Variants in RMST observed in about 807,000 individuals in gnomAD.
The protein encoded by RMST is rhabdomyosarcoma 2 associated transcript.
At chr12:97,550,671 G>A (rs531177583) in intron 11 of RMST, among the ~76,000 whole-genome samples, 42 of 152,038 alleles carry the variant, frequency 2.8e-4, no homozygotes, top group South Asian at 1.9e-3. Context: ...CTATTTTCTC[G>A]ACTTTATTAT....
intron 10 of RMST, among the ~76,000 whole-genome samples, chr12:97,518,671 G>A (rs1420645701): frequency 2.0e-5 from 3 of 152,096 alleles, no homozygotes; most frequent in African/African-American, 7.2e-5. Context: ...CTCTCAGACT[G>A]GATTCTAGGT....
chr12:97,558,435 A>T (rs751105789), intron 11 of RMST, among the ~76,000 whole-genome samples: 59 of 152,188 alleles, frequency 3.9e-4, no homozygotes, highest in Non-Finnish European at 7.5e-4. Flanking sequence ...TGTGTTAATG[A>T]TTGTTCAGGG....
At chr12:97,556,017 C>G (rs1883684335) in intron 11 of RMST, among the ~76,000 whole-genome samples, 1 of 152,214 alleles carries the variant, frequency 6.6e-6, no homozygotes, top group African/African-American at 2.4e-5. Flanking sequence ...AAGGATCACA[C>G]TGTGGAATCT....
At chr12:97,561,351 G>A (rs892793084) in intron 13 of RMST, among the ~76,000 whole-genome samples, 1 of 152,188 alleles carries the variant, frequency 6.6e-6, no homozygotes, top group Non-Finnish European at 1.5e-5. Flanking sequence ...CTCTGTGTCT[G>A]TATGTGCCCT....
chr12:97,474,108 A>G (rs774936153), intron 5 of RMST, among the ~76,000 whole-genome samples: 4 of 151,982 alleles, frequency 2.6e-5, no homozygotes, highest in Admixed American at 2.0e-4. Flanking sequence ...ATACCCTTTT[A>G]TTGGGGGCAG....
At chr12:97,481,413 G>T (rs1051930578) in intron 5 of RMST, among the ~76,000 whole-genome samples, 9 of 151,994 alleles carry the variant, frequency 5.9e-5, no homozygotes, top group Non-Finnish European at 1.2e-4. Flanking sequence ...ACATTTAAAG[G>T]TCTATTTTAT....
intron 11 of RMST, among the ~76,000 whole-genome samples, chr12:97,532,267 C>A (rs1214416043): frequency 6.6e-6 from 1 of 151,694 alleles, no homozygotes; most frequent in East Asian, 1.9e-4. Flanking sequence ...GATTCCCCAC[C>A]CCTAGCCCAA....
intron 5 of RMST, among the ~76,000 whole-genome samples, chr12:97,486,800 C>T (rs573820468): frequency 8.6e-5 from 13 of 152,046 alleles, no homozygotes; most frequent in South Asian, 2.1e-4. Context: ...ATTTAATAAA[C>T]GAACAGAGAA....
rs147102861 is a variant in RMST at position 97,535,851 on chromosome 12, C to T, written n.1545+4992C>T. ...GAGTGCTTTGAGTAATACACTGGGT[C>T]ACCCATGCAATGAACATTACTCAGT... On this transcript the variant is annotated intron_variant and non_coding_transcript_variant, in intron 11 of 13. Coordinates refer to ENST00000640149, the Ensembl canonical transcript of RMST. Among the ~76,000 whole-genome samples the T allele has an allele frequency of 4.2e-3, 640 of 151,726 alleles. 5 individuals carry two copies. Among genetic ancestry groups the T allele is most frequent in the Non-Finnish European group, 5.8e-3 (391 of 67,688 alleles).
intron 10 of RMST, among the ~76,000 whole-genome samples, chr12:97,509,709 C>G (rs1879084456): frequency 6.6e-6 from 1 of 152,206 alleles, no homozygotes. Context: ...TTATCTCTCA[C>G]TCCAGTCCCC....
At chr12:97,518,228 A>C (rs903530229) in intron 10 of RMST, among the ~76,000 whole-genome samples, 1 of 152,198 alleles carries the variant, frequency 6.6e-6, no homozygotes, top group Non-Finnish European at 1.5e-5. Context: ...GAATACTGAT[A>C]CATAGAAAAA....
intron 5 of RMST, among the ~76,000 whole-genome samples, chr12:97,466,451 A>C (rs1481234824): frequency 6.6e-6 from 1 of 152,128 alleles, no homozygotes; most frequent in African/African-American, 2.4e-5. Context: ...TTTGGAGACA[A>C]GTACTCCTCG....
At chr12:97,523,736 T>TA (rs1228249363) in intron 10 of RMST, among the ~76,000 whole-genome samples, 1 of 152,044 alleles carries the variant, frequency 6.6e-6, no homozygotes, top group Non-Finnish European at 1.5e-5. Context: ...GACTGAGAAA[T>TA]ATTTAAGTGC....
chr12:97,502,968 T>C (rs768012881), intron 10 of RMST, among the ~76,000 whole-genome samples: 6 of 152,224 alleles, frequency 3.9e-5, no homozygotes, highest in Non-Finnish European at 5.9e-5. Context: ...GGTCTCCCAA[T>C]AGAGCACCTG....
chr12:97,556,801 CTAAT>C (rs144447601), intron 11 of RMST, among the ~76,000 whole-genome samples: 3,003 of 152,178 alleles, frequency 0.02, 93 homozygotes, highest in African/African-American at 0.069. Flanking sequence ...TTCTTGTACA[CTAAT>C]TATCAAGTTT....
intron 11 of RMST, among the ~76,000 whole-genome samples, chr12:97,556,358 A>G (rs1035108446): frequency 3.9e-5 from 6 of 152,206 alleles, no homozygotes; most frequent in Admixed American, 2.6e-4. Flanking sequence ...GAAGGGAGTC[A>G]GCCAAGTGTG....
At chr12:97,556,980 C>T (rs758604979) in intron 11 of RMST, among the ~76,000 whole-genome samples, 1 of 152,074 alleles carries the variant, frequency 6.6e-6, no homozygotes, top group East Asian at 1.9e-4. Flanking sequence ...AGTTCATCTT[C>T]ATAATATGGC....
chr12:97,554,410 A>T (rs572730006), intron 11 of RMST, among the ~76,000 whole-genome samples: 1 of 152,318 alleles, frequency 6.6e-6, no homozygotes, highest in East Asian at 1.9e-4. Context: ...AGATGCACGC[A>T]TCAGATACTT....
chr12:97,489,385 TGCAGTGA>T (rs1876500294), intron 5 of RMST, among the ~76,000 whole-genome samples: 2 of 151,518 alleles, frequency 1.3e-5, no homozygotes, highest in African/African-American at 4.9e-5. Flanking sequence ...AGATTAAGGC[TGCAGTGA>T]GCTGTGATCG....
Sources: gnomAD v4.1 joint callset for allele counts (sites outside exome capture counted in the v4.1 genomes callset) on GRCh38, gnomAD v4.1.1 for gene constraint, MANE v1.5 for transcripts, NCBI Gene and HGNC (gene_info 2026-07-23, HGNC 2026-07-21) for gene names.